CCDC138: variants seen among roughly 807,000 people sequenced by gnomAD.
The protein encoded by CCDC138 is coiled-coil domain-containing protein 138.
In CCDC138, 66 loss-of-function variants were observed where a neutral mutation model predicts 82.3. That is an observed-to-expected ratio of 0.80 (90% CI 0.66 to 0.98). The LOEUF (loss-of-function observed/expected upper bound fraction) is 0.98, where lower values mean the gene tolerates loss of function less well. CCDC138 is among the 50% of genes least tolerant of loss of function. The pLI is 0.00. For synonymous variants in CCDC138, 297 were observed against 265.4 expected (o/e 1.12, Z -1.16); for missense variants, 816 against 758.9 (o/e 1.08, Z -0.88).
At chr2:108,875,820 C>T (rs75718975) in intron 14 of CCDC138, among the ~76,000 whole-genome samples, 2,022 of 152,292 alleles carry the variant, frequency 0.013, 64 homozygotes, top group South Asian at 0.086. Flanking sequence ...GTTCATGCCA[C>T]TGCACTCCAC....
intron 7 of CCDC138, among the ~76,000 whole-genome samples, chr2:108,808,655 C>T (rs1212644262): frequency 3.3e-5 from 5 of 152,148 alleles, no homozygotes; most frequent in East Asian, 3.9e-4. Flanking sequence ...GTTTGTATGC[C>T]TTTGTTTGAG....
At chr2:108,828,145 A>C (rs1018547496) in intron 10 of CCDC138, among the ~76,000 whole-genome samples, 5 of 152,208 alleles carry the variant, frequency 3.3e-5, no homozygotes, top group African/African-American at 1.2e-4. Flanking sequence ...GTTCTATACC[A>C]TACTTCTTAA....
chr2:108,827,741 A>G (rs551183444), intron 10 of CCDC138, among the ~76,000 whole-genome samples: 15 of 151,740 alleles, frequency 9.9e-5, no homozygotes, highest in South Asian at 2.1e-4. Context: ...GCATGAACCC[A>G]GGAGGCGGAG....
At chr2:108,810,413 A>G (rs1683593707) in intron 7 of CCDC138, among the ~76,000 whole-genome samples, 1 of 152,198 alleles carries the variant, frequency 6.6e-6, no homozygotes, top group Non-Finnish European at 1.5e-5. Flanking sequence ...TCGTAAGGTA[A>G]TTATATTTCA....
chr2:108,833,880 A>G (rs1688126850), intron 10 of CCDC138, among the ~76,000 whole-genome samples: 1 of 139,814 alleles, frequency 7.2e-6, no homozygotes, highest in Non-Finnish European at 1.5e-5. Flanking sequence ...GGCGCCCGCT[A>G]CCACGCCCGG....
intron 3 of CCDC138, 39 bp from the exon 4 acceptor site, chr2:108,791,636 A>C: frequency 1.3e-6 from 2 of 1,589,540 alleles, no homozygotes; most frequent in Non-Finnish European, 1.7e-6. Flanking sequence ...GTGCTATAGT[A>C]AACTTCTAGA....
intron 12 of CCDC138, among the ~76,000 whole-genome samples, chr2:108,853,274 T>G (rs1044396171): frequency 3.3e-5 from 5 of 152,168 alleles, no homozygotes; most frequent in African/African-American, 1.2e-4. Flanking sequence ...ATGGTGTCAT[T>G]TTTACAGAAG....
At chr2:108,840,993 G>T (rs10206055) in intron 11 of CCDC138, among the ~76,000 whole-genome samples, 3,724 of 151,302 alleles carry the variant, frequency 0.025, 110 homozygotes, top group African/African-American at 0.068. Flanking sequence ...TGTGTTTTTT[G>T]TGTGTGTGTT....
Position 108,873,542 on chromosome 2 carries a change from A to C in CCDC138, c.1785A>C (p.Gln595His), listed in dbSNP as rs764892102. Residue 595 changes from glutamine (Q) to histidine (H), a missense_variant, in exon 14 of 15, where the codon CAA becomes CAC. Physicochemically the swap from Gln to His is conservative, Grantham distance 24 (BLOSUM62 0). Transcript: ENST00000295124. ...TTCGAGCCCCTAAGCTTGATCTTCAAATACTAGAAAAACTCAGTATTATTT... is the reference window on the plus strand; with the variant it reads ...TTCGAGCCCCTAAGCTTGATCTTCACATACTAGAAAAACTCAGTATTATTT... ...VLLRAPKLDL[Q>H]ILEKLSIILQ... The C allele has an allele frequency of 6.2e-7, 1 of 1,611,628 alleles. No homozygotes were observed. The highest frequency in any genetic ancestry group is 8.5e-7 in the Non-Finnish European group (1 of 1,178,988).
downstream of CCDC138, among the ~76,000 whole-genome samples, chr2:108,877,009 T>C (rs1696065249): frequency 6.6e-6 from 1 of 152,186 alleles, no homozygotes; most frequent in African/African-American, 2.4e-5. Context: ...CATAAAATCA[T>C]ATATGATCAG....
rs531227187 is a variant in CCDC138, at chr2:108,806,006, A to T, written c.855+998A>T. On this transcript the variant is annotated intron_variant, in intron 7 of 14. Coordinates refer to ENST00000295124, the MANE Select transcript of CCDC138 (RefSeq NM_144978.3). Reference sequence around the variant, plus strand: ...ATGGATTATGTAACTTAAGCCTCAGACTCTCCTAGAGTTCCTTTGCCAGCT... The same window carrying T: ...ATGGATTATGTAACTTAAGCCTCAGTCTCTCCTAGAGTTCCTTTGCCAGCT... Among the ~76,000 whole-genome samples the T allele has an allele frequency of 3.2e-4, 26 of 81,240 alleles. No individual in the cohort carries two copies. In the Admixed American group the frequency reaches 4.2e-3, roughly 13 times the overall value. The allele number at this position is 81,240 out of a possible 152,430, so 53.3% of individuals were successfully genotyped here. A position where few individuals can be genotyped will look rare whatever the true frequency, so the allele number is the denominator to read the frequency against.
chr2:108,861,303 A>G (rs1204627219), intron 13 of CCDC138, among the ~76,000 whole-genome samples: 2 of 151,618 alleles, frequency 1.3e-5, no homozygotes, highest in Admixed American at 6.6e-5. Flanking sequence ...CGATCCTTAT[A>G]TAGTTCTTTT....
At chr2:108,854,424 A>G (rs1252452355) in intron 12 of CCDC138, among the ~76,000 whole-genome samples, 1 of 152,034 alleles carries the variant, frequency 6.6e-6, no homozygotes, top group African/African-American at 2.4e-5. Context: ...TTCCACTACA[A>G]TTATTTTTTA....
chr2:108,793,334 AAAAAC>A (rs756873693), intron 4 of CCDC138, among the ~76,000 whole-genome samples: 4 of 152,046 alleles, frequency 2.6e-5, no homozygotes, highest in South Asian at 2.1e-4. Context: ...CTCCGTCTCA[AAAAAC>A]AAAACAAAAC....
chr2:108,835,485 C>T (rs749041013), intron 10 of CCDC138, among the ~76,000 whole-genome samples: 1 of 152,112 alleles, frequency 6.6e-6, no homozygotes, highest in Non-Finnish European at 1.5e-5. Flanking sequence ...CCACTGATAA[C>T]AGCGATATGA....
rs753845410 is a variant in CCDC138, at chr2:108,786,847, C to T, written c.25C>T (p.Pro9Ser). Reference protein sequence around the residue: MEPRVVKPPGQDLVVESLK... With the variant: MEPRVVKPSGQDLVVESLK... ...TATGGAGCCGAGGGTCGTCAAGCCA[C>T]CGGGGCAGGATTTAGTAGTGGAGAG... The change falls in exon 1 of 15, where the codon CCG becomes TCG. Residue 9 changes from proline to serine, a missense_variant. Pro to Ser is a moderately conservative substitution (Grantham distance 74). Coordinates refer to ENST00000295124, the MANE Select transcript of CCDC138 (RefSeq NM_144978.3). 5.6e-6 allele frequency: 9 copies of T among 1,593,056 alleles called. No individual in the cohort carries two copies. The highest frequency in any genetic ancestry group is 1.7e-4 in the Middle Eastern group (1 of 5,952).
intron 10 of CCDC138, 62 bp downstream of exon 10, chr2:108,816,167 A>G: frequency 1.5e-6 from 2 of 1,302,028 alleles, no homozygotes; most frequent in East Asian, 4.7e-5. Context: ...AGGAAAAGCC[A>G]GGGCCAGGCA....
intron 12 of CCDC138, among the ~76,000 whole-genome samples, chr2:108,851,796 A>G (rs1691555248): frequency 6.6e-6 from 1 of 152,198 alleles, no homozygotes; most frequent in Admixed American, 6.5e-5. Flanking sequence ...AACACACCCA[A>G]CATCATAACA....
At chr2:108,833,182 T>G (rs988127012) in intron 10 of CCDC138, among the ~76,000 whole-genome samples, 3 of 152,230 alleles carry the variant, frequency 2.0e-5, no homozygotes, top group African/African-American at 7.2e-5. Flanking sequence ...TGGATACATG[T>G]CATTATATGT....
Sources: gnomAD v4.1 joint callset for allele counts (sites outside exome capture counted in the v4.1 genomes callset) on GRCh38, gnomAD v4.1.1 for gene constraint, MANE v1.5 for transcripts, NCBI Gene and HGNC (gene_info 2026-07-23, HGNC 2026-07-21) for gene names.